The following GRIK2 variants were observed in gnomAD, a reference collection of about 807,000 sequenced individuals.
The protein encoded by GRIK2 is glutamate ionotropic receptor kainate type subunit 2.
GRIK2 carries 32 observed loss-of-function variants against 100.3 expected under a neutral mutation model. The ratio of observed to expected loss-of-function variants is 0.32; its 90% CI spans 0.24 to 0.43. The LOEUF (loss-of-function observed/expected upper bound fraction) is 0.43. Ranked by LOEUF, GRIK2 falls within the 20% of genes least tolerant of loss-of-function variation. The pLI is 1.00. For synonymous variants in GRIK2, 417 were observed against 389.4 expected (o/e 1.07, Z -0.83); for missense variants, 843 against 1,114.9 (o/e 0.76, Z 3.47).
At chr6:101,740,577 A>G (rs1775959134) in intron 7 of GRIK2, among the ~76,000 whole-genome samples, 1 of 152,160 alleles carries the variant, frequency 6.6e-6, no homozygotes, top group Admixed American at 6.6e-5. Context: ...ATGTTTAAAC[A>G]TACGTATTAG....
chr6:101,955,984 AG>A (rs1178924038), intron 14 of GRIK2, among the ~76,000 whole-genome samples: 1 of 151,976 alleles, frequency 6.6e-6, no homozygotes, highest in Non-Finnish European at 1.5e-5. Flanking sequence ...GTTGAAGGTT[AG>A]GTCATTGATA....
In GRIK2 at chr6:101,509,383, C is replaced by T. The variant is rs550135387; in HGVS notation, c.115+109991C>T. ...AGCGATTAATTTCCTAGTCCTAGAA[C>T]ATTGTGTGTGCTGAGTTACTGAATT... On this transcript the variant is annotated intron_variant, in intron 2 of 16. Transcript: ENST00000369134. Among the ~76,000 whole-genome samples, 103 of 152,218 alleles carry T rather than the reference C, an allele frequency of 6.8e-4. 3 individuals carry two copies. In the South Asian group the frequency reaches 0.021, roughly 31 times the overall value.
Position 101,454,689 on chromosome 6 carries a change from T to C in GRIK2, c.115+55297T>C, listed in dbSNP as rs542116551. 5.9e-5 allele frequency among the ~76,000 whole-genome samples: 9 copies of C among 152,210 alleles called. No homozygotes were observed. In the South Asian group the frequency reaches 1.9e-3, roughly 32 times the overall value. On this transcript the variant is annotated intron_variant, in intron 2 of 16. Transcript: ENST00000369134. The stretch of plus-strand genomic sequence containing the variant: ...TTACTGAATTCTGCTCTATATGTTG[T>C]AGTGTTTGAGAAAAGTTCCAATAGC...
intron 2 of GRIK2, among the ~76,000 whole-genome samples, chr6:101,592,705 A>C (rs1778731312): frequency 1.3e-5 from 2 of 148,696 alleles, no homozygotes; most frequent in Non-Finnish European, 3.0e-5. Context: ...TTCAGCAATA[A>C]ATTTCTAGGA....
At chr6:101,639,373 T>A (rs758567712) in intron 4 of GRIK2, among the ~76,000 whole-genome samples, 1 of 152,160 alleles carries the variant, frequency 6.6e-6, no homozygotes, top group Non-Finnish European at 1.5e-5. Context: ...TGACCTAGTG[T>A]ATCACATGTA....
chr6:101,923,238 T>C (rs543792928), intron 12 of GRIK2, among the ~76,000 whole-genome samples: 65 of 152,274 alleles, frequency 4.3e-4, no homozygotes, highest in African/African-American at 1.5e-3. Context: ...TTTGATTGGA[T>C]GTAAGATTTT....
intron 13 of GRIK2, chr6:101,927,479 A>T (rs560352948): frequency 6.5e-6 from 1 of 152,724 alleles, no homozygotes; most frequent in Non-Finnish European, 1.5e-5. Flanking sequence ...TACCTTACTT[A>T]TAAAAAAATC....
chr6:101,532,546 T>TTTC (rs2128285256), intron 2 of GRIK2, among the ~76,000 whole-genome samples: 1 of 151,212 alleles, frequency 6.6e-6, no homozygotes, highest in African/African-American at 2.4e-5. Context: ...ACCTTTTTTT[T>TTTC]TTTTAAAGTT....
At chr6:101,825,972 C>A (rs923768672) in intron 10 of GRIK2, among the ~76,000 whole-genome samples, 1 of 152,050 alleles carries the variant, frequency 6.6e-6, no homozygotes, top group Non-Finnish European at 1.5e-5. Flanking sequence ...GTATCATGCT[C>A]CACATGCATC....
At chr6:101,403,439 A>G (rs1477582875) in intron 2 of GRIK2, among the ~76,000 whole-genome samples, 1 of 152,120 alleles carries the variant, frequency 6.6e-6, no homozygotes, top group East Asian at 1.9e-4. Flanking sequence ...CACACTGACC[A>G]CCTGTTTGTG....
chr6:101,541,610 A>G (rs181650805), intron 2 of GRIK2, among the ~76,000 whole-genome samples: 20 of 152,166 alleles, frequency 1.3e-4, no homozygotes, highest in African/African-American at 4.1e-4. Context: ...CCCACATCCT[A>G]TGGCACATAG....
intron 2 of GRIK2, among the ~76,000 whole-genome samples, chr6:101,492,044 G>C (rs1773151523): frequency 6.6e-6 from 1 of 151,810 alleles, no homozygotes; most frequent in Non-Finnish European, 1.5e-5. Flanking sequence ...TATTAGTAAG[G>C]CTAAGGTTAA....
intron 14 of GRIK2, among the ~76,000 whole-genome samples, chr6:102,026,891 A>T (rs1215000707): frequency 6.6e-6 from 1 of 151,262 alleles, no homozygotes; most frequent in East Asian, 1.9e-4. Flanking sequence ...CTTTGATATG[A>T]ACCACATATG....
intron 7 of GRIK2, among the ~76,000 whole-genome samples, chr6:101,794,534 C>G (rs946116248): frequency 1.3e-5 from 2 of 152,012 alleles, no homozygotes; most frequent in African/African-American, 4.8e-5. Flanking sequence ...TATTGTTTAT[C>G]ATTGCGGTTT....
intron 7 of GRIK2, among the ~76,000 whole-genome samples, chr6:101,790,229 C>T (rs555876538): frequency 2.7e-5 from 4 of 150,372 alleles, no homozygotes; most frequent in African/African-American, 1.0e-4. Flanking sequence ...CCTGGCCAGA[C>T]CTTCCAACAC....
At chr6:101,834,869 T>C (rs1324292667) in intron 10 of GRIK2, among the ~76,000 whole-genome samples, 1 of 152,044 alleles carries the variant, frequency 6.6e-6, no homozygotes, top group Non-Finnish European at 1.5e-5. Flanking sequence ...GCCAGGAATT[T>C]TGACATGCAC....
chr6:101,732,080 A>T (rs1265323779), intron 7 of GRIK2, among the ~76,000 whole-genome samples: 6 of 151,982 alleles, frequency 3.9e-5, no homozygotes, highest in African/African-American at 1.4e-4. Flanking sequence ...TACATTTGTC[A>T]GTTCTTTGTG....
At chr6:101,978,791 T>C (rs768715539) in intron 14 of GRIK2, among the ~76,000 whole-genome samples, 1 of 152,010 alleles carries the variant, frequency 6.6e-6, no homozygotes, top group African/African-American at 2.4e-5. Flanking sequence ...ATCAGTTTTC[T>C]ATTCAATAGA....
chr6:101,654,247 C>G, intron 4 of GRIK2, among the ~76,000 whole-genome samples: 1 of 151,986 alleles, frequency 6.6e-6, no homozygotes, highest in East Asian at 1.9e-4. Flanking sequence ...GTAGTGACCC[C>G]CTGGTACTCA....
Sources: allele counts gnomAD v4.1 joint callset (sites outside exome capture counted in the v4.1 genomes callset), GRCh38; gene constraint gnomAD v4.1.1; transcripts MANE v1.5; gene names NCBI Gene and HGNC (gene_info 2026-07-23, HGNC 2026-07-21).